DNAJB6: variants seen among roughly 807,000 people sequenced by gnomAD.
DNAJB6 encodes the protein DnaJ heat shock protein family (Hsp40) member B6.
In DNAJB6, 16 loss-of-function variants were observed where a neutral mutation model predicts 42.7. The ratio of observed to expected loss-of-function variants is 0.37; its 90% CI spans 0.25 to 0.57. The LOEUF is 0.57. Ranked by LOEUF, DNAJB6 falls within the 20% of genes least tolerant of loss-of-function variation. The pLI is 0.74. For missense variants in DNAJB6, 347 were observed against 416.8 expected, an observed-to-expected ratio of 0.83 and a Z score of 1.46; for synonymous variants, 170 against 163.5, an observed-to-expected ratio of 1.04 and a Z score of -0.30.
At position 157,416,255 on chromosome 7, in the gene DNAJB6, G is replaced by A; in HGVS notation, c.*157G>A. On this transcript the variant is annotated 3_prime_UTR_variant, in exon 10 of 10. Coordinates refer to ENST00000262177, the MANE Select transcript of DNAJB6 (RefSeq NM_058246.4). ...TGCGATCACGGATCAGTCAGAGCAG[G>A]GTCAGGAGACGGGGCTGACGGCACG... 2 of 1,255,260 alleles carry A rather than the reference G, an allele frequency of 1.6e-6. No homozygotes were observed. Among genetic ancestry groups the A allele is most frequent in the East Asian group, 2.6e-5 (1 of 38,966 alleles). The allele number at this position is 1,255,260 out of a possible 1,614,324, so 77.8% of individuals were successfully genotyped here.
intron 1 of DNAJB6, among the ~76,000 whole-genome samples, chr7:157,344,796 A>C (rs1309804994): frequency 2.6e-5 from 4 of 151,792 alleles, no homozygotes; most frequent in Admixed American, 1.3e-4. Flanking sequence ...TATATTTCGT[A>C]GAGACAAGAT....
Position 157,358,781 on chromosome 7 carries a change from C to T in DNAJB6, c.65+144C>T, listed in dbSNP as rs558245087. 9 of 671,584 alleles carry T rather than the reference C, an allele frequency of 1.3e-5. No homozygotes were observed. In the Admixed American group the frequency reaches 2.2e-4, roughly 17 times the overall value. The allele number at this position is 671,584 out of a possible 1,614,324, so 41.6% of individuals were successfully genotyped here. A position where few individuals can be genotyped will look rare whatever the true frequency, so the allele number is the denominator to read the frequency against. On this transcript the variant is annotated intron_variant, in intron 2 of 9. Transcript: ENST00000262177. ...TGCCACATAGTTTAATTTGACAGAG[C>T]AGTTAACGAGCATTTGCAGTCTAGG... is the stretch of plus-strand genomic sequence containing the variant.
At chr7:157,369,727 C>CACATTATTATTAAACAGGCCCCTTCTTA (rs1180505473) in intron 5 of DNAJB6, among the ~76,000 whole-genome samples, 2 of 100,800 alleles carry the variant, frequency 2.0e-5, no homozygotes, top group African/African-American at 4.4e-5. Context: ...GCCCCTTCTT[C>CACATTATTATTAAACAGGCCCCTTCTTA]ACATTATTAT....
At chr7:157,381,970 C>T in intron 5 of DNAJB6, 1 of 235,148 alleles carries the variant, frequency 4.3e-6, no homozygotes, top group Non-Finnish European at 8.2e-6. Flanking sequence ...CATATTGGTC[C>T]TCCATAAAGA....
intron 2 of DNAJB6, among the ~76,000 whole-genome samples, chr7:157,359,889 G>A (rs984660609): frequency 1.3e-5 from 2 of 152,226 alleles, no homozygotes; most frequent in African/African-American, 4.8e-5. Context: ...GAACCTAGTA[G>A]AAGCAGTCTA....
chr7:157,356,077 T>C (rs895066832), intron 1 of DNAJB6, among the ~76,000 whole-genome samples: 5 of 152,200 alleles, frequency 3.3e-5, no homozygotes, highest in African/African-American at 4.8e-5. Context: ...GTGTGGCACA[T>C]TGAATGGCCT....
intron 1 of DNAJB6, among the ~76,000 whole-genome samples, chr7:157,339,228 C>T (rs987739703): frequency 3.4e-5 from 5 of 147,800 alleles, no homozygotes; most frequent in Non-Finnish European, 7.5e-5. Flanking sequence ...CAGTCTTCAA[C>T]CTAGATAACC....
At chr7:157,352,851 A>C (rs1343467246) in intron 1 of DNAJB6, among the ~76,000 whole-genome samples, 1 of 152,120 alleles carries the variant, frequency 6.6e-6, no homozygotes, top group Non-Finnish European at 1.5e-5. Context: ...CCAAGGAACC[A>C]CGGCTTGTTT....
chr7:157,338,558 C>A (rs1029454297), intron 1 of DNAJB6, among the ~76,000 whole-genome samples: 1 of 152,168 alleles, frequency 6.6e-6, no homozygotes, highest in Non-Finnish European at 1.5e-5. Flanking sequence ...TGGTCTCGAA[C>A]TTATGACCTA....
At chr7:157,382,002 T>A in intron 5 of DNAJB6, 1 of 339,994 alleles carries the variant, frequency 2.9e-6, no homozygotes, top group Admixed American at 4.8e-5. Context: ...TGCTGTTTTT[T>A]TAATTAAGTC....
intron 6 of DNAJB6, among the ~76,000 whole-genome samples, chr7:157,384,262 A>G (rs1800937693): frequency 6.6e-6 from 1 of 152,250 alleles, no homozygotes; most frequent in South Asian, 2.1e-4. Context: ...TTTGAGACGA[A>G]TACTTGTATT....
At chr7:157,396,229 G>A (rs559026693) in intron 8 of DNAJB6, among the ~76,000 whole-genome samples, 1 of 152,254 alleles carries the variant, frequency 6.6e-6, no homozygotes, top group African/African-American at 2.4e-5. Context: ...GATTACATGC[G>A]TGAGCCACTG....
At chr7:157,394,356 C>CTGT (rs1351283305) in intron 8 of DNAJB6, among the ~76,000 whole-genome samples, 2 of 152,126 alleles carry the variant, frequency 1.3e-5, no homozygotes, top group African/African-American at 4.8e-5. Flanking sequence ...AATGCTGCCC[C>CTGT]TGTGTATCTA....
chr7:157,376,929 A>AG (rs772864152), intron 5 of DNAJB6, among the ~76,000 whole-genome samples: 2 of 152,210 alleles, frequency 1.3e-5, no homozygotes, highest in Non-Finnish European at 2.9e-5. Flanking sequence ...CCAGAAAGGC[A>AG]GGACAGCTCA....
At chr7:157,357,212 G>GTCCT (rs112834824) in intron 1 of DNAJB6, among the ~76,000 whole-genome samples, 1,220 of 61,914 alleles carry the variant, frequency 0.02, 181 homozygotes, top group African/African-American at 0.031. Flanking sequence ...TGATACTGTT[G>GTCCT]TCCTTCCTTC....
intron 1 of DNAJB6, among the ~76,000 whole-genome samples, chr7:157,348,185 C>T (rs192778492): frequency 5.9e-5 from 9 of 151,516 alleles, no homozygotes; most frequent in African/African-American, 9.7e-5. Context: ...CTCTGCCTCC[C>T]GGGTTCAAGC....
intron 1 of DNAJB6, among the ~76,000 whole-genome samples, chr7:157,350,651 AT>A (rs750173762): frequency 4.6e-5 from 7 of 151,962 alleles, no homozygotes; most frequent in Non-Finnish European, 1.0e-4. Flanking sequence ...GACGCCCAAT[AT>A]GGCACTTTTC....
intron 5 of DNAJB6, chr7:157,368,896 C>G (rs1417748281): frequency 4.8e-6 from 1 of 206,564 alleles, no homozygotes; most frequent in Non-Finnish European, 9.9e-6. Flanking sequence ...AAACGTGGAG[C>G]TCCTGCCTGC....
At chr7:157,353,652 G>A (rs1799126227) in intron 1 of DNAJB6, among the ~76,000 whole-genome samples, 1 of 146,042 alleles carries the variant, frequency 6.8e-6, no homozygotes, top group Admixed American at 6.8e-5. Context: ...TTTGTGATAA[G>A]TTGGGCCTGG....
Sources: allele counts gnomAD v4.1 joint callset (sites outside exome capture counted in the v4.1 genomes callset), GRCh38; gene constraint gnomAD v4.1.1; transcripts MANE v1.5; gene names NCBI Gene and HGNC (gene_info 2026-07-23, HGNC 2026-07-21).